Variants in BLM observed in about 807,000 individuals in gnomAD.
BLM encodes recQ-like DNA helicase BLM.
BLM carries 95 observed loss-of-function variants against 135.3 expected under a neutral mutation model. That is an observed-to-expected ratio of 0.70 (90% CI 0.59 to 0.83). BLM has a LOEUF of 0.83. Among genes scored for constraint, BLM ranks in the 40% least tolerant of loss-of-function variants. The pLI is 0.00. For missense variants in BLM, 1,518 were observed against 1,663.9 expected, an observed-to-expected ratio of 0.91 and a Z score of 1.53; for synonymous variants, 520 against 589.2, an observed-to-expected ratio of 0.88 and a Z score of 1.70.
In BLM at chr15:90,755,744, G is replaced by C. The variant is rs996121714; in HGVS notation, c.1087+806G>C. 5.3e-4 allele frequency among the ~76,000 whole-genome samples: 80 copies of C among 151,524 alleles called. 1 individual carries two copies. The highest frequency in any genetic ancestry group is 1.8e-3 in the African/African-American group (75 of 41,202). On this transcript the variant is annotated intron_variant, in intron 5 of 21. Coordinates refer to ENST00000355112, the MANE Select transcript of BLM (RefSeq NM_000057.4). Reference sequence around the variant, plus strand: ...TTATCTTTTCTATTTTTCATCTCTTGATTTTCTACTTTTTAGGATATTTCC... The same window carrying C: ...TTATCTTTTCTATTTTTCATCTCTTCATTTTCTACTTTTTAGGATATTTCC...
intron 17 of BLM, among the ~76,000 whole-genome samples, chr15:90,799,146 A>G (rs1381950682): frequency 1.4e-5 from 2 of 144,874 alleles, no homozygotes; most frequent in Non-Finnish European, 3.1e-5. Flanking sequence ...GCCTGGCAAC[A>G]GAGTGAGACT....
chr15:90,798,358 G>A (rs537569640), intron 17 of BLM, 21 bp downstream of exon 17: 25 of 1,609,880 alleles, frequency 1.6e-5, no homozygotes, highest in Admixed American at 1.2e-4. Context: ...TGTTTTGAAT[G>A]TTTGAGTTAC....
chr15:90,774,996 T>C (rs1471861081), intron 12 of BLM, among the ~76,000 whole-genome samples: 2 of 152,182 alleles, frequency 1.3e-5, no homozygotes, highest in East Asian at 3.8e-4. Flanking sequence ...GGAAGTGGCT[T>C]GATCTGAACT....
Position 90,749,987 on chromosome 15 carries a change from A to G in BLM, c.719A>G (p.Asp240Gly), listed in dbSNP as rs757324067. The G allele has an allele frequency of 6.2e-7, 1 of 1,614,256 alleles. No homozygotes were observed. The highest frequency in any genetic ancestry group is 2.2e-5 in the East Asian group (1 of 44,890). The change falls in exon 3 of 22, where the codon GAT (aspartate) becomes GGT (glycine). Residue 240 changes from aspartate (D) to glycine (G), a missense_variant. By Grantham distance (94) the Asp-to-Gly change is moderately conservative (BLOSUM62 -1). This residue lies in a region of BLM where 724 missense variants were observed against 756.9 expected (regional missense o/e 0.96). Coordinates refer to ENST00000355112, the MANE Select transcript of BLM (RefSeq NM_000057.4). ...AGCAGCGATGTGATTTGCATCGATG[A>G]TGGCCCCATTGCTGAAGTGCATATA... ...WLSSDVICIDDGPIAEVHINE... is the reference protein window; with the variant it reads ...WLSSDVICIDGGPIAEVHINE...
chr15:90,769,949 AT>A (rs1354081361), intron 12 of BLM, among the ~76,000 whole-genome samples: 1 of 152,034 alleles, frequency 6.6e-6, no homozygotes, highest in Non-Finnish European at 1.5e-5. Context: ...TACTTATCTA[AT>A]TTTGGCTTCC....
At chr15:90,754,378 T>G (rs1895761092) in intron 4 of BLM, among the ~76,000 whole-genome samples, 1 of 152,168 alleles carries the variant, frequency 6.6e-6, no homozygotes, top group Non-Finnish European at 1.5e-5. Flanking sequence ...AAAAAGTGCT[T>G]TGAAATCTCA....
Position 90,751,875 on chromosome 15 carries a change from T to C in BLM, c.888T>C (p.Tyr296=), listed in dbSNP as rs139277089. The change falls in exon 4 of 22, where the codon TAT becomes TAC. Residue 296 remains tyrosine, a synonymous_variant. Coordinates refer to ENST00000355112, the MANE Select transcript of BLM (RefSeq NM_000057.4). The part of the protein sequence containing the change: ...VPCIEFDDDD[Y]DTDFVPPSPE... ...GTATTGAATTTGATGATGATGATTATGATACGGATTTTGTTCCACCTTCTC... is the reference window on the plus strand; with the variant it reads ...GTATTGAATTTGATGATGATGATTACGATACGGATTTTGTTCCACCTTCTC... 6 of 1,612,976 alleles carry C rather than the reference T, an allele frequency of 3.7e-6. No individual in the cohort carries two copies. The highest frequency in any genetic ancestry group is 5.1e-6 in the Non-Finnish European group (6 of 1,179,008).
rs187564294 is a variant in BLM at position 90,803,806 on chromosome 15, C to G, written c.3558+86C>G. On this transcript the variant is annotated intron_variant, in intron 18 of 21. Transcript: ENST00000355112. Reference sequence around the variant, plus strand: ...GTGAAGTATAGTGTCTTTGTCCAAGCTTATAGATACTGAATTTATATATAC... The same window carrying G: ...GTGAAGTATAGTGTCTTTGTCCAAGGTTATAGATACTGAATTTATATATAC... The G allele has an allele frequency of 1.4e-3, 1,812 of 1,295,242 alleles. 2 individuals carry two copies. Among genetic ancestry groups the G allele is most frequent in the Non-Finnish European group, 1.9e-3 (1,729 of 900,676 alleles). 80.2% of individuals were successfully genotyped at this position (1,295,242 alleles called of 1,614,324 possible). A position where few individuals can be genotyped will look rare whatever the true frequency, so the allele number is the denominator to read the frequency against.
At chr15:90,760,072 T>C (rs2151156904) in intron 5 of BLM, 75 bp from the exon 6 acceptor site, 1 of 1,430,350 alleles carries the variant, frequency 7.0e-7, no homozygotes, top group South Asian at 1.2e-5. Context: ...ATTACAGTCA[T>C]GAGCCACCAT....
At chr15:90,770,083 CT>C (rs567540885) in intron 12 of BLM, among the ~76,000 whole-genome samples, 90 of 151,968 alleles carry the variant, frequency 5.9e-4, no homozygotes, top group African/African-American at 2.1e-3. Flanking sequence ...AGCTTTTTTA[CT>C]TTGTTTTCTT....
chr15:90,761,677 G>GA (rs1895991671), intron 7 of BLM, among the ~76,000 whole-genome samples: 1 of 152,178 alleles, frequency 6.6e-6, no homozygotes, highest in Non-Finnish European at 1.5e-5. Flanking sequence ...TGTTTTATGT[G>GA]TTAAAATGTT....
intron 1 of BLM, among the ~76,000 whole-genome samples, chr15:90,722,997 T>C (rs1429526593): frequency 2.0e-5 from 3 of 152,100 alleles, no homozygotes; most frequent in Non-Finnish European, 4.4e-5. Flanking sequence ...CCTGCCACCA[T>C]GGCTGGCTAA....
intron 5 of BLM, among the ~76,000 whole-genome samples, chr15:90,756,568 C>T (rs1428575686): frequency 2.0e-5 from 3 of 152,184 alleles, no homozygotes; most frequent in Non-Finnish European, 4.4e-5. Context: ...ATTATACTGT[C>T]TCTGTATCAT....
chr15:90,765,636 A>C (rs964686938), intron 9 of BLM, among the ~76,000 whole-genome samples: 9 of 152,166 alleles, frequency 5.9e-5, no homozygotes, highest in Non-Finnish European at 1.3e-4. Context: ...AACCAATGCT[A>C]TTTTTTGCTG....
intron 1 of BLM, 53 bp from the exon 2 acceptor site, chr15:90,747,336 T>A: frequency 7.2e-7 from 1 of 1,393,196 alleles, no homozygotes; most frequent in Non-Finnish European, 1.0e-6. Context: ...AAAAACATTG[T>A]GATTAATGCA....
At position 90,815,399 on chromosome 15, in the gene BLM, TTAAA is replaced by T; in HGVS notation, c.*126_*129del. 1 of 1,088,116 alleles carries T rather than the reference TTAAA, an allele frequency of 9.2e-7. No individual in the cohort carries two copies. The highest frequency in any genetic ancestry group is 1.4e-6 in the Non-Finnish European group (1 of 739,444). The allele number at this position is 1,088,116 out of a possible 1,614,324, so 67.4% of individuals were successfully genotyped here. Reference sequence around the variant, plus strand: ...AGTTTTTACTCGTCTCTATTAATATTTAAATAAATGCTGGGGGGTGATAGTTCTT... The same window carrying T: ...AGTTTTTACTCGTCTCTATTAATATTTAAATGCTGGGGGGTGATAGTTCTT... On this transcript the variant is annotated 3_prime_UTR_variant, in exon 22 of 22. Coordinates refer to ENST00000355112, the MANE Select transcript of BLM (RefSeq NM_000057.4). This position sits in a 1 kb window ranked among gnomAD's most constrained non-coding sequence, Gnocchi z 4.6.
intron 17 of BLM, among the ~76,000 whole-genome samples, chr15:90,798,670 A>G (rs1406865891): frequency 1.3e-5 from 2 of 148,798 alleles, no homozygotes; most frequent in African/African-American, 4.9e-5. Flanking sequence ...AGAGACTATT[A>G]TCAGATTAGT....
chr15:90,777,455 A>G (rs1896510062), intron 12 of BLM, among the ~76,000 whole-genome samples: 2 of 152,112 alleles, frequency 1.3e-5, no homozygotes, highest in African/African-American at 4.8e-5. Flanking sequence ...ACCTGGCCTC[A>G]TTTTTCAATT....
chr15:90,778,060 C>T (rs1043177421), intron 12 of BLM, among the ~76,000 whole-genome samples: 3 of 152,152 alleles, frequency 2.0e-5, no homozygotes, highest in African/African-American at 4.8e-5. Context: ...TATTTTCCAA[C>T]AGGCAGAGTA....
Sources: allele counts gnomAD v4.1 joint callset (sites outside exome capture counted in the v4.1 genomes callset), GRCh38; gene constraint gnomAD v4.1.1; regional missense constraint gnomAD v4.1.1; non-coding constraint Gnocchi (gnomAD v3.1); transcripts MANE v1.5; gene names NCBI Gene and HGNC (gene_info 2026-07-23, HGNC 2026-07-21).